The following USP54 variants were observed in gnomAD, a reference collection of about 807,000 sequenced individuals.
The protein encoded by USP54 is ubiquitin specific peptidase 54.
USP54 carries 87 observed loss-of-function variants against 170.5 expected under a neutral mutation model. The ratio of observed to expected loss-of-function variants is 0.51; its 90% CI spans 0.43 to 0.61. The LOEUF (loss-of-function observed/expected upper bound fraction) is 0.61, where lower values mean the gene tolerates loss of function less well. Ranked by LOEUF, USP54 falls within the 20% of genes least tolerant of loss-of-function variation. USP54 has a pLI of 0.00. For missense variants in USP54, 1,786 were observed against 2,047.8 expected, an observed-to-expected ratio of 0.87 and a Z score of 2.47; for synonymous variants, 655 against 742.8, an observed-to-expected ratio of 0.88 and a Z score of 1.92.
intron 1 of USP54, among the ~76,000 whole-genome samples, chr10:73,590,397 T>C (rs2078101620): frequency 6.6e-6 from 1 of 152,158 alleles, no homozygotes; most frequent in Non-Finnish European, 1.5e-5. Context: ...TCATCTACCA[T>C]AAAGATGACT....
intron 1 of USP54, among the ~76,000 whole-genome samples, chr10:73,613,073 C>A (rs1712556503): frequency 6.6e-6 from 1 of 150,646 alleles, no homozygotes; most frequent in Non-Finnish European, 1.5e-5. Flanking sequence ...GGGAGGATTG[C>A]TTAAGCCCAG....
At position 73,517,448 on chromosome 10, in the gene USP54, T is replaced by A; in HGVS notation, c.2978A>T (p.Asp993Val). The A allele has an allele frequency of 6.2e-7, 1 of 1,614,214 alleles. No individual in the cohort carries two copies. ...GCCTTGCAGCTTACCCTCTGGGGCA[T>A]CCAATGGCTCCCAACTATGATGAGA... ...KNSHHSWEPL[D>V]APEGKLQGSR... is the part of the protein sequence containing the mutation. The change falls in exon 20 of 24, where the codon GAT (aspartate) becomes GTT (valine). Residue 993 changes from aspartate to valine, a missense_variant. Transcript: ENST00000687698.
intron 1 of USP54, among the ~76,000 whole-genome samples, chr10:73,581,687 G>A (rs560606926): frequency 6.6e-6 from 1 of 152,244 alleles, no homozygotes; most frequent in African/African-American, 2.4e-5. Flanking sequence ...AAGCTACTTT[G>A]AATTCAGTAA....
chr10:73,616,496 T>C (rs1589418574), intron 1 of USP54, among the ~76,000 whole-genome samples: 1 of 149,840 alleles, frequency 6.7e-6, no homozygotes, highest in African/African-American at 2.5e-5. Flanking sequence ...CACTAGGGCC[T>C]GTGCGGGGGT....
intron 4 of USP54, among the ~76,000 whole-genome samples, chr10:73,564,526 A>AATT (rs1185088596): frequency 6.6e-6 from 1 of 151,966 alleles, no homozygotes; most frequent in Non-Finnish European, 1.5e-5. Context: ...ACATTATCTT[A>AATT]ATTATTAGTT....
chr10:73,600,553 T>C (rs1417830066), intron 1 of USP54, among the ~76,000 whole-genome samples: 1 of 152,184 alleles, frequency 6.6e-6, no homozygotes, highest in Non-Finnish European at 1.5e-5. Context: ...AAAAGTTCCA[T>C]TCAAAATAAT....
chr10:73,514,520 G>A (rs2060741703), intron 20 of USP54, among the ~76,000 whole-genome samples: 2 of 151,032 alleles, frequency 1.3e-5, no homozygotes, highest in African/African-American at 4.9e-5. Flanking sequence ...CTGAGATCAC[G>A]TCACTGCACT....
intron 7 of USP54, 71 bp downstream of exon 7, chr10:73,542,732 A>G: frequency 1.2e-6 from 1 of 805,150 alleles, no homozygotes; most frequent in South Asian, 2.9e-5. Context: ...CTCTGTCTCA[A>G]AAAAAAAAAA....
At chr10:73,543,246 G>A (rs563369808) in intron 5 of USP54, 115 bp from the exon 6 acceptor site, 2 of 723,166 alleles carry the variant, frequency 2.8e-6, no homozygotes, top group African/African-American at 1.8e-5. Flanking sequence ...GGAATATTTT[G>A]ATTTTTAAAA....
chr10:73,616,624 A>C (rs193165152), intron 1 of USP54, among the ~76,000 whole-genome samples: 1 of 150,222 alleles, frequency 6.7e-6, no homozygotes, highest in Admixed American at 6.6e-5. Flanking sequence ...CACATCCTGC[A>C]TGTGTATCCA....
intron 1 of USP54, among the ~76,000 whole-genome samples, chr10:73,620,398 C>T (rs938761644): frequency 6.7e-6 from 1 of 149,510 alleles, no homozygotes; most frequent in Non-Finnish European, 1.5e-5. Context: ...ACTGGTTGAC[C>T]GCTAAGCATT....
At position 73,517,550 on chromosome 10, in the gene USP54, A is replaced by G. The variant is rs117462093; in HGVS notation, c.2876T>C (p.Val959Ala). ...SRSALKLLTS[V>A]EVDNIEPSAF... Reference sequence around the variant, plus strand: ...AGAGGGTTCAATGTTGTCTACTTCAACCGAAGTCAGAAGCTTCAAGGCAGA... The same window carrying G: ...AGAGGGTTCAATGTTGTCTACTTCAGCCGAAGTCAGAAGCTTCAAGGCAGA... The change falls in exon 20 of 24, where the codon GTT (valine) becomes GCT (alanine). Residue 959 changes from valine to alanine, a missense_variant. Val to Ala is a moderately conservative substitution (Grantham distance 64, BLOSUM62 0). Around this residue, in one of 3 missense-constraint regions of USP54, gnomAD observed 1,418 missense variants for 1,569.0 expected, o/e 0.90. Transcript: ENST00000687698. The G allele has an allele frequency of 3.1e-3, 4,952 of 1,614,188 alleles. 23 individuals carry two copies. The highest frequency in any genetic ancestry group is 3.7e-3 in the Non-Finnish European group (4,379 of 1,180,026).
At chr10:73,599,395 T>C (rs1157289874) in intron 1 of USP54, among the ~76,000 whole-genome samples, 1 of 152,238 alleles carries the variant, frequency 6.6e-6, no homozygotes, top group African/African-American at 2.4e-5. Flanking sequence ...ATACTCTTTT[T>C]TCTCCTTAAT....
chr10:73,518,344 C>G (rs2061372479), intron 19 of USP54: 1 of 595,554 alleles, frequency 1.7e-6, no homozygotes, highest in African/African-American at 2.0e-5. Flanking sequence ...GATGTTTCCC[C>G]AAAGCAATAT....
chr10:73,522,779 G>A (rs1283307294), intron 17 of USP54, among the ~76,000 whole-genome samples: 1 of 152,156 alleles, frequency 6.6e-6, no homozygotes, highest in Non-Finnish European at 1.5e-5. Context: ...GGATTACTTG[G>A]CCCAAGAAGA....
chr10:73,540,969 T>C (rs2066493581), intron 9 of USP54, among the ~76,000 whole-genome samples: 1 of 152,186 alleles, frequency 6.6e-6, no homozygotes, highest in African/African-American at 2.4e-5. Flanking sequence ...TTTAACTTCT[T>C]CACCTACTAT....
intron 20 of USP54, among the ~76,000 whole-genome samples, chr10:73,514,519 C>T (rs1163810568): frequency 1.3e-5 from 2 of 150,860 alleles, no homozygotes; most frequent in Non-Finnish European, 3.0e-5. Context: ...GCTGAGATCA[C>T]GTCACTGCAC....
rs550717480 is a variant in USP54 at position 73,580,318 on chromosome 10, CAAAAAA to C, written c.-581-3963_-581-3958del. ...TAGGCAACAGAGAAAGACCCCATTT[CAAAAAA>C]AAAAAAAAAAAGAAAGAAAAAGAAA... On this transcript the variant is annotated intron_variant, in intron 1 of 23. Transcript: ENST00000687698. Among the ~76,000 whole-genome samples the C allele has an allele frequency of 4.7e-5, 3 of 64,404 alleles. No homozygotes were observed. In the South Asian group the frequency reaches 1.3e-3, roughly 27 times the overall value. 42.3% of individuals were successfully genotyped at this position (64,404 alleles called of 152,430 possible). A position where few individuals can be genotyped will look rare whatever the true frequency, so the allele number is the denominator to read the frequency against.
chr10:73,520,476 T>C (rs2061722385), intron 18 of USP54, among the ~76,000 whole-genome samples: 2 of 152,204 alleles, frequency 1.3e-5, no homozygotes, highest in African/African-American at 4.8e-5. Context: ...TGGTGCTGCA[T>C]ACTATGAAGG....
Sources: gnomAD v4.1 joint callset for allele counts (sites outside exome capture counted in the v4.1 genomes callset) on GRCh38, gnomAD v4.1.1 for gene constraint, gnomAD v4.1.1 regional missense constraint, MANE v1.5 for transcripts, NCBI Gene and HGNC (gene_info 2026-07-23, HGNC 2026-07-21) for gene names.